CDK6: variants seen among roughly 807,000 people sequenced by gnomAD.
CDK6 encodes cyclin-dependent kinase 6.
In CDK6, 6 loss-of-function variants were observed where a neutral mutation model predicts 37.1. That is an observed-to-expected ratio of 0.16 (90% CI 0.09 to 0.32). CDK6 has a LOEUF of 0.32. Among genes scored for constraint, CDK6 ranks in the 10% least tolerant of loss-of-function variants. The probability of loss-of-function intolerance (pLI) is 1.00; values close to 1 mark genes in which losing one functional copy is unlikely to be tolerated. For synonymous variants in CDK6, 160 were observed against 161.3 expected (o/e 0.99, Z 0.06); for missense variants, 224 against 418.9 (o/e 0.53, Z 4.06).
chr7:92,618,132 A>C lies in CDK6; in HGVS notation c.774T>G (p.Ser258=). The stretch of plus-strand genomic sequence containing the variant: ...TTACAAACTTCTCAATTGGTTGGGC[A>C]GATTTTGAATGAAAAGCCTGCCTGG... The part of the protein sequence containing the change: ...ALPRQAFHSK[S]AQPIEKFVTD... The change falls in exon 7 of 8, where the codon TCT becomes TCG. Residue 258 remains serine (S), a synonymous_variant. Transcript: ENST00000424848. 1 of 1,614,196 alleles carries C rather than the reference A, an allele frequency of 6.2e-7. No individual in the cohort carries two copies. Among genetic ancestry groups the C allele is most frequent in the East Asian group, 2.2e-5 (1 of 44,890 alleles).
At chr7:92,793,515 C>T (rs1001792098) in intron 2 of CDK6, among the ~76,000 whole-genome samples, 4 of 152,022 alleles carry the variant, frequency 2.6e-5, no homozygotes, top group Non-Finnish European at 1.5e-5. Flanking sequence ...ATAATCTTTT[C>T]AACAAATGAT....
chr7:92,627,158 C>G (rs1391753712), intron 5 of CDK6, among the ~76,000 whole-genome samples: 1 of 152,036 alleles, frequency 6.6e-6, no homozygotes, highest in African/African-American at 2.4e-5. Flanking sequence ...CTGAGACTAC[C>G]TGGAGGACCC....
chr7:92,617,492 C>T (rs1795707177), intron 7 of CDK6, among the ~76,000 whole-genome samples: 1 of 152,150 alleles, frequency 6.6e-6, no homozygotes, highest in Non-Finnish European at 1.5e-5. Flanking sequence ...CACTTTTCTA[C>T]CTATTGTTCT....
At chr7:92,702,015 A>G (rs954286039) in intron 4 of CDK6, among the ~76,000 whole-genome samples, 3 of 152,136 alleles carry the variant, frequency 2.0e-5, no homozygotes, top group African/African-American at 7.2e-5. Context: ...ATCAAAGATT[A>G]TTTTTATCAA....
intron 2 of CDK6, among the ~76,000 whole-genome samples, chr7:92,806,904 TTG>T (rs1305486828): frequency 1.3e-5 from 2 of 152,204 alleles, no homozygotes; most frequent in Non-Finnish European, 2.9e-5. Context: ...AAAATTTACT[TTG>T]TGTTTCCCAC....
chr7:92,826,232 G>A (rs1801307850), intron 2 of CDK6, among the ~76,000 whole-genome samples: 1 of 151,986 alleles, frequency 6.6e-6, no homozygotes, highest in Admixed American at 6.6e-5. Flanking sequence ...TTACAAATAG[G>A]GTGTGAAAGA....
At chr7:92,697,050 T>C (rs1797737275) in intron 4 of CDK6, among the ~76,000 whole-genome samples, 1 of 152,228 alleles carries the variant, frequency 6.6e-6, no homozygotes, top group Non-Finnish European at 1.5e-5. Context: ...ATGTATACTA[T>C]AGCTGGAAGT....
intron 4 of CDK6, among the ~76,000 whole-genome samples, chr7:92,718,079 C>T (rs1018459167): frequency 6.6e-6 from 1 of 152,156 alleles, no homozygotes; most frequent in Non-Finnish European, 1.5e-5. Flanking sequence ...TGTCCTGTTC[C>T]CAGCTCTGTG....
chr7:92,661,397 A>G (rs182563233), intron 5 of CDK6, among the ~76,000 whole-genome samples: 2 of 152,324 alleles, frequency 1.3e-5, no homozygotes, highest in East Asian at 3.9e-4. Flanking sequence ...CCCCCTGTGC[A>G]GTCAAAAGTC....
chr7:92,652,023 G>C (rs1052022408), intron 5 of CDK6, among the ~76,000 whole-genome samples: 4 of 152,166 alleles, frequency 2.6e-5, no homozygotes, highest in Admixed American at 2.6e-4. Flanking sequence ...TTATAGGGAG[G>C]AACACTACAG....
At chr7:92,616,551 C>A (rs1260388132) in intron 7 of CDK6, among the ~76,000 whole-genome samples, 3 of 152,168 alleles carry the variant, frequency 2.0e-5, no homozygotes, top group Non-Finnish European at 4.4e-5. Flanking sequence ...CAGCAAGAAA[C>A]ATCTCTAGAA....
At chr7:92,693,268 G>T (rs986953546) in intron 4 of CDK6, among the ~76,000 whole-genome samples, 3 of 152,168 alleles carry the variant, frequency 2.0e-5, no homozygotes, top group Non-Finnish European at 4.4e-5. Flanking sequence ...AGTAGAGAAA[G>T]AAATGGGGGT....
chr7:92,624,105 A>C (rs1795870873), intron 5 of CDK6, among the ~76,000 whole-genome samples: 1 of 152,112 alleles, frequency 6.6e-6, no homozygotes, highest in Non-Finnish European at 1.5e-5. Context: ...CAGTCATAGC[A>C]TTTCAGTGGT....
Position 92,721,530 on chromosome 7 carries a change from G to A in CDK6, c.537+4096C>T, listed in dbSNP as rs541568646. Among the ~76,000 whole-genome samples, 198 of 152,212 alleles carry A rather than the reference G, an allele frequency of 1.3e-3. 2 individuals are homozygous for A. The highest frequency in any genetic ancestry group is 4.5e-3 in the African/African-American group (185 of 41,520). The stretch of plus-strand genomic sequence containing the variant: ...TAATTCTACAACCTTTAAAGAAAAA[G>A]GTATAATACTCTGTATGGGTACATG... On this transcript the variant is annotated intron_variant, in intron 4 of 7. Coordinates refer to ENST00000424848, the MANE Select transcript of CDK6 (RefSeq NM_001145306.2).
chr7:92,612,956 T>A lies in CDK6; in HGVS notation c.*2184A>T. ...ATCAAAGGAAAGGCAGAACTCACTT[T>A]TCCATGTGAGACTTTGAGTAGACCT... On this transcript the variant is annotated 3_prime_UTR_variant, in exon 8 of 8. Coordinates refer to ENST00000424848, the MANE Select transcript of CDK6 (RefSeq NM_001145306.2). 4.3e-6 allele frequency: 1 copy of A among 233,108 alleles called. No individual in the cohort carries two copies. Among genetic ancestry groups the A allele is most frequent in the East Asian group, 6.1e-5 (1 of 16,514 alleles). The allele number at this position is 233,108 out of a possible 1,614,324, so 14.4% of individuals were successfully genotyped here. A position where few individuals can be genotyped will look rare whatever the true frequency, so the allele number is the denominator to read the frequency against.
chr7:92,833,287 A>C lies in CDK6; in HGVS notation c.37T>G (p.Tyr13Asp), dbSNP rs2116034519. 6.2e-7 allele frequency: 1 copy of C among 1,607,532 alleles called. No homozygotes were observed. Among genetic ancestry groups the C allele is most frequent in the Non-Finnish European group, 8.5e-7 (1 of 1,178,142 alleles). The change falls in exon 2 of 8, where the codon TAC becomes GAC. Residue 13 changes from tyrosine (Y) to aspartate (D), a missense_variant. Transcript: ENST00000424848. The surrounding 1 kb of genome is among the most constrained non-coding windows in gnomAD (Gnocchi z 6.1). ...TCCCCGATCTCCGCCACGCATTCGT[A>C]CTGCTGGTCAGCGCGGCACAGGCCG... ...KDGLCRADQQ[Y>D]ECVAEIGEGA...
chr7:92,757,887 G>A (rs1374492289), intron 3 of CDK6, among the ~76,000 whole-genome samples: 1 of 152,142 alleles, frequency 6.6e-6, no homozygotes, highest in African/African-American at 2.4e-5. Context: ...GGTTTGGTCT[G>A]CATTTCTCTA....
intron 3 of CDK6, among the ~76,000 whole-genome samples, chr7:92,749,781 CAT>C (rs1475215775): frequency 6.6e-6 from 1 of 152,162 alleles, no homozygotes; most frequent in Non-Finnish European, 1.5e-5. Context: ...ATAAAAGCCA[CAT>C]GTTTATTCAA....
In CDK6 at chr7:92,765,872, T is replaced by C. The variant is rs193040777; in HGVS notation, c.369+8824A>G. Among the ~76,000 whole-genome samples the C allele has an allele frequency of 3.9e-5, 6 of 152,332 alleles. No homozygotes were observed. In the East Asian group the frequency reaches 1.2e-3, roughly 29 times the overall value. On this transcript the variant is annotated intron_variant, in intron 3 of 7. Transcript: ENST00000424848. ...CTATAACTAGATGTGGAGTTGTAGC[T>C]GAGAGGGTCAGAGAAGGAATGATGA...
Sources: allele counts gnomAD v4.1 joint callset (sites outside exome capture counted in the v4.1 genomes callset), GRCh38; gene constraint gnomAD v4.1.1; non-coding constraint Gnocchi (gnomAD v3.1); transcripts MANE v1.5; gene names NCBI Gene and HGNC (gene_info 2026-07-23, HGNC 2026-07-21).